The following PLAC1 variants were observed in gnomAD, a reference collection of about 807,000 sequenced individuals.
PLAC1 encodes placenta-specific protein 1.
For missense variants in PLAC1, 136 were observed against 163.2 expected, an observed-to-expected ratio of 0.83 and a Z score of 0.91; for synonymous variants, 68 against 62.1, an observed-to-expected ratio of 1.09 and a Z score of -0.44.
At chrX:134,661,142 C>A (rs2078415119), upstream of PLAC1, among the ~76,000 whole-genome samples, 2 of 111,422 alleles carry the variant, frequency 1.8e-5, no homozygotes, top group Admixed American at 9.6e-5. Context: ...TTCTTTTTGC[C>A]TCTTCCTTGG....
chrX:134,566,412 T>C lies in PLAC1; in HGVS notation c.271A>G (p.Met91Val), dbSNP rs1476541669. The C allele has an allele frequency of 1.7e-6, 2 of 1,210,185 alleles. No homozygotes were observed. Among genetic ancestry groups the C allele is most frequent in the East Asian group, 3.0e-5 (1 of 33,786 alleles). Residue 91 changes from methionine to valine, a missense_variant, in exon 3 of 3, where the codon ATG becomes GTG. By Grantham distance (21) the Met-to-Val change is conservative. Transcript: ENST00000359237. ...GIRAKAVSQDMVIYSTEIHYS... is the reference protein window; with the variant it reads ...GIRAKAVSQDVVIYSTEIHYS... ...TGTATCTCAGTGCTGTAGATAACCATGTCCTGAGAGACAGCTTTGGCCCTG... is the reference window on the plus strand; with the variant it reads ...TGTATCTCAGTGCTGTAGATAACCACGTCCTGAGAGACAGCTTTGGCCCTG...
chrX:134,569,889 G>A (rs1228933093), intron 2 of PLAC1, among the ~76,000 whole-genome samples: 1 of 108,750 alleles, frequency 9.2e-6, no homozygotes, highest in Non-Finnish European at 1.9e-5. Context: ...GCAGTGGCAC[G>A]ACCTTGGCTC....
intron 1 of PLAC1, among the ~76,000 whole-genome samples, chrX:134,750,512 GA>G (rs776764076): frequency 4.6e-5 from 5 of 109,390 alleles, no homozygotes; most frequent in African/African-American, 6.7e-5. Context: ...TCTCTCATCA[GA>G]TGAAGATTTT....
intron 2 of PLAC1, among the ~76,000 whole-genome samples, chrX:134,574,585 G>C (rs1283619148): frequency 3.6e-5 from 4 of 111,859 alleles, no homozygotes; most frequent in Non-Finnish European, 7.5e-5. Flanking sequence ...CCATCCAACG[G>C]TACCCAATGT....
At chrX:134,681,263 G>T (rs1056614056) in intron 2 of PLAC1, among the ~76,000 whole-genome samples, 2 of 111,458 alleles carry the variant, frequency 1.8e-5, no homozygotes, top group African/African-American at 6.5e-5. Flanking sequence ...TGTATGATGA[G>T]ATTTAAATGA....
At chrX:134,589,640 T>C (rs1293368407) in intron 2 of PLAC1, among the ~76,000 whole-genome samples, 2 of 106,046 alleles carry the variant, frequency 1.9e-5, no homozygotes, top group Non-Finnish European at 3.9e-5. Context: ...GGCAGGAGAA[T>C]TGCTTGAACC....
intron 1 of PLAC1, among the ~76,000 whole-genome samples, chrX:134,761,194 A>AT (rs975449414): frequency 4.2e-5 from 4 of 95,383 alleles, no homozygotes; most frequent in Admixed American, 2.1e-4. Context: ...GGAAAAAAAA[A>AT]ATATATAGAT....
chrX:134,734,936 T>TG (rs940006879), intron 1 of PLAC1, among the ~76,000 whole-genome samples: 11 of 110,620 alleles, frequency 9.9e-5, no homozygotes, highest in African/African-American at 3.6e-4. Context: ...CAGACTCAGA[T>TG]GGGGGGTGGT....
intron 2 of PLAC1, among the ~76,000 whole-genome samples, chrX:134,578,794 A>G (rs1049921272): frequency 1.8e-5 from 2 of 108,790 alleles, no homozygotes; most frequent in African/African-American, 6.7e-5. Context: ...GGAGGGAGTT[A>G]TCTACTGGGG....
At chrX:134,675,922 G>A (rs761355245) in intron 2 of PLAC1, among the ~76,000 whole-genome samples, 23 of 111,617 alleles carry the variant, frequency 2.1e-4, no homozygotes, top group East Asian at 8.5e-4. Context: ...ATACGGGCTC[G>A]CAGAGGCAGG....
intron 1 of PLAC1, among the ~76,000 whole-genome samples, chrX:134,734,140 G>A (rs780911075): frequency 1.8e-5 from 2 of 112,514 alleles, no homozygotes; most frequent in African/African-American, 6.5e-5. Context: ...CATTCTGGAG[G>A]GAGCCACAAC....
intron 1 of PLAC1, among the ~76,000 whole-genome samples, chrX:134,632,596 C>T (rs1021518182): frequency 2.7e-5 from 3 of 111,742 alleles, no homozygotes; most frequent in Non-Finnish European, 5.6e-5. Context: ...AACCTTCTAT[C>T]AAGTCCCATC....
At chrX:134,670,201 A>G (rs912861826) in intron 2 of PLAC1, among the ~76,000 whole-genome samples, 1 of 108,224 alleles carries the variant, frequency 9.2e-6, no homozygotes, top group African/African-American at 3.4e-5. Flanking sequence ...AAAGCCCAAC[A>G]CCCCTGGGTG....
intron 1 of PLAC1, among the ~76,000 whole-genome samples, chrX:134,648,061 C>A (rs944302139): frequency 3.9e-4 from 44 of 111,530 alleles, no homozygotes; most frequent in African/African-American, 1.4e-3. Context: ...CCACCCCTCA[C>A]CCCCAGCACC....
intron 1 of PLAC1, among the ~76,000 whole-genome samples, chrX:134,635,712 A>T: frequency 9.1e-6 from 1 of 110,210 alleles, no homozygotes; most frequent in African/African-American, 3.3e-5. Context: ...ACTGCACCTC[A>T]CCCCTCCTCT....
intron 2 of PLAC1, among the ~76,000 whole-genome samples, chrX:134,687,535 A>C (rs2147819312): frequency 9.2e-6 from 1 of 108,996 alleles, no homozygotes; most frequent in Non-Finnish European, 1.9e-5. Context: ...AGTCTGCCTT[A>C]GGGGGCAGAT....
At chrX:134,630,834 G>T (rs893240641) in intron 1 of PLAC1, among the ~76,000 whole-genome samples, 1 of 111,717 alleles carries the variant, frequency 9.0e-6, no homozygotes, top group Admixed American at 9.5e-5. Flanking sequence ...AAACAGAATG[G>T]TGCAAATCAA....
intron 1 of PLAC1, among the ~76,000 whole-genome samples, chrX:134,757,473 A>G (rs1316651767): frequency 1.8e-5 from 2 of 112,604 alleles, no homozygotes; most frequent in Non-Finnish European, 3.8e-5. Flanking sequence ...ATGAAAGATG[A>G]AAAAAGTGGG....
chrX:134,661,861 A>C (rs2078417801), upstream of PLAC1, among the ~76,000 whole-genome samples: 1 of 112,358 alleles, frequency 8.9e-6, no homozygotes, highest in African/African-American at 3.2e-5. Flanking sequence ...ACAAGAGACA[A>C]ATTAATTTTG....
Sources: gnomAD v4.1 joint callset for allele counts (sites outside exome capture counted in the v4.1 genomes callset) on GRCh38, gnomAD v4.1.1 for gene constraint, MANE v1.5 for transcripts, NCBI Gene and HGNC (gene_info 2026-07-23, HGNC 2026-07-21) for gene names.